Variants in PPAT observed in about 807,000 individuals in gnomAD.
PPAT encodes phosphoribosyl pyrophosphate amidotransferase.
Under a neutral mutation model 60.2 loss-of-function variants are expected in PPAT, and 20 were observed. The ratio of observed to expected loss-of-function variants is 0.33; its 90% confidence interval spans 0.23 to 0.48. The LOEUF (loss-of-function observed/expected upper bound fraction) is 0.48, where lower values mean the gene tolerates loss of function less well. PPAT is among the 20% of genes least tolerant of loss of function. The pLI is 0.99. For missense variants in PPAT, 349 were observed against 629.6 expected (o/e 0.55, Z 4.77); for synonymous variants, 194 against 215.1 (o/e 0.90, Z 0.86).
intron 1 of PPAT, among the ~76,000 whole-genome samples, 167 bp downstream of exon 1, chr4:56,435,183 C>A (rs1460538168): frequency 1.3e-5 from 2 of 152,202 alleles, no homozygotes; most frequent in East Asian, 3.9e-4. Flanking sequence ...AGCGAGGTGC[C>A]CCTCGTGCAC....
In PPAT at chr4:56,403,339, C is replaced by G; in HGVS notation, c.465G>C (p.Leu155=). 4 of 1,614,046 alleles carry G rather than the reference C, an allele frequency of 2.5e-6. No homozygotes were observed. Among genetic ancestry groups the G allele is most frequent in the Non-Finnish European group, 3.4e-6 (4 of 1,179,928 alleles). The change falls in exon 4 of 11, where the codon CTG becomes CTC. Residue 155 remains leucine, a synonymous_variant. Coordinates refer to ENST00000264220, the MANE Select transcript of PPAT (RefSeq NM_002703.5). The part of the protein sequence containing the change: ...SSDSEMITQL[L]AYTPPQEQDD... Reference sequence around the variant, plus strand: ...CTTGTTCCTGAGGAGGGGTATACGCCAGTAACTGGGTAATCATTTCACTAT... The same window carrying G: ...CTTGTTCCTGAGGAGGGGTATACGCGAGTAACTGGGTAATCATTTCACTAT...
intron 1 of PPAT, among the ~76,000 whole-genome samples, chr4:56,411,599 T>C (rs1403293161): frequency 6.6e-6 from 1 of 152,198 alleles, no homozygotes; most frequent in Non-Finnish European, 1.5e-5. Context: ...GGGAAATCAA[T>C]GACAGTAATG....
chr4:56,396,635 G>A lies in PPAT; in HGVS notation c.1341C>T (p.His447=), dbSNP rs770073845. 2.5e-6 allele frequency: 4 copies of A among 1,605,446 alleles called. No individual in the cohort carries two copies. Among genetic ancestry groups the A allele is most frequent in the Non-Finnish European group, 3.4e-6 (4 of 1,174,296 alleles). The change falls in exon 10 of 11, where the codon CAC becomes CAT. Residue 447 remains histidine (H), a synonymous_variant. Coordinates refer to ENST00000264220, the MANE Select transcript of PPAT (RefSeq NM_002703.5). This position sits in a 1 kb window ranked among gnomAD's most constrained non-coding sequence, Gnocchi z 4.6. ...AATACTTACCTAGATATTCTGCAAG[G>A]TGATCAAATTCTGGTTTATTGGCAA... The part of the protein sequence containing the change: ...ELIANKPEFD[H]LAEYLGANSV...
chr4:56,407,006 A>G (rs1014303719), intron 2 of PPAT, among the ~76,000 whole-genome samples: 3 of 152,250 alleles, frequency 2.0e-5, no homozygotes, highest in Non-Finnish European at 4.4e-5. Context: ...TTCATAAGAT[A>G]CTATTCACTA....
chr4:56,429,758 T>C (rs1184535555), intron 1 of PPAT, among the ~76,000 whole-genome samples: 1 of 152,188 alleles, frequency 6.6e-6, no homozygotes, highest in African/African-American at 2.4e-5. Context: ...TAAAACTTAC[T>C]AGCACCCTAA....
At chr4:56,405,915 C>G (rs1167490486) in intron 3 of PPAT, among the ~76,000 whole-genome samples, 1 of 152,216 alleles carries the variant, frequency 6.6e-6, no homozygotes, top group African/African-American at 2.4e-5. Flanking sequence ...CCTGGACTTG[C>G]AACTGGCATC....
At chr4:56,421,056 T>C (rs1717013720) in intron 1 of PPAT, 2 of 152,210 alleles carry the variant, frequency 1.3e-5, no homozygotes, top group African/African-American at 4.8e-5. Flanking sequence ...GCTTCATCTG[T>C]ATTTACAGAC....
At chr4:56,410,844 A>C (rs1716414762) in intron 1 of PPAT, 1 of 984,036 alleles carries the variant, frequency 1.0e-6, no homozygotes, top group Non-Finnish European at 1.2e-6. Context: ...GAAGATGCAA[A>C]TGGCAGGTAC....
chr4:56,432,910 G>A (rs1436950388), intron 1 of PPAT, among the ~76,000 whole-genome samples: 1 of 151,438 alleles, frequency 6.6e-6, no homozygotes, highest in African/African-American at 2.4e-5. Context: ...GAATGAGGGT[G>A]AGAAAGTGAA....
chr4:56,402,608 G>C (rs1201336327), intron 5 of PPAT, among the ~76,000 whole-genome samples: 1 of 152,092 alleles, frequency 6.6e-6, no homozygotes, highest in African/African-American at 2.4e-5. Flanking sequence ...CCTGAGGTCA[G>C]GAGTTTGAGA....
intron 1 of PPAT, among the ~76,000 whole-genome samples, 177 bp downstream of exon 1, chr4:56,435,157 GGCTAAAGTTCATGGAA>G (rs1175841563): frequency 6.6e-6 from 1 of 152,234 alleles, no homozygotes; most frequent in Non-Finnish European, 1.5e-5. Flanking sequence ...GGGCAGGACA[GGCTAAAGTTCATGGAA>G]GCGAGGTGCC....
chr4:56,421,393 C>T (rs1189142482), intron 1 of PPAT: 1 of 152,304 alleles, frequency 6.6e-6, no homozygotes, highest in African/African-American at 2.4e-5. Context: ...AAATGTAATG[C>T]ACTTGAATCC....
chr4:56,427,581 A>G (rs1717353481), intron 1 of PPAT, among the ~76,000 whole-genome samples: 1 of 151,496 alleles, frequency 6.6e-6, no homozygotes, highest in Non-Finnish European at 1.5e-5. Context: ...CTGAGGCAGG[A>G]GGATCGCTTG....
chr4:56,418,029 G>C (rs1716858527), intron 1 of PPAT, among the ~76,000 whole-genome samples: 1 of 152,090 alleles, frequency 6.6e-6, no homozygotes, highest in Non-Finnish European at 1.5e-5. Flanking sequence ...AGTAAATACA[G>C]GGTTTCACCA....
intron 3 of PPAT, 134 bp downstream of exon 3, chr4:56,406,361 T>C (rs918244994): frequency 4.6e-6 from 4 of 868,606 alleles, no homozygotes; most frequent in Non-Finnish European, 7.1e-6. Context: ...ATCATTCTGA[T>C]GCAATTGTTT....
rs1715891091 is a variant in PPAT at position 56,393,995 on chromosome 4, A to G, written c.*1357T>C. 1 of 151,436 alleles carries G rather than the reference A, an allele frequency of 6.6e-6. No homozygotes were observed. The highest frequency in any genetic ancestry group is 1.9e-4 in the East Asian group (1 of 5,206). The allele number at this position is 151,436 out of a possible 1,614,324, so 9.4% of individuals were successfully genotyped here. A position where few individuals can be genotyped will look rare whatever the true frequency, so the allele number is the denominator to read the frequency against. On this transcript the variant is annotated 3_prime_UTR_variant, in exon 11 of 11. Coordinates refer to ENST00000264220, the MANE Select transcript of PPAT (RefSeq NM_002703.5). ...GCGAGACTATATACCAAAGGAAGACAAACAGTTTCAGTTATTAATAAATAT... is the reference window on the plus strand; with the variant it reads ...GCGAGACTATATACCAAAGGAAGACGAACAGTTTCAGTTATTAATAAATAT...
chr4:56,396,466 T>G lies in PPAT; in HGVS notation c.1357+153A>C. The G allele has an allele frequency of 1.4e-6, 1 of 706,942 alleles. No individual in the cohort carries two copies. Among genetic ancestry groups the G allele is most frequent in the South Asian group, 2.4e-5 (1 of 41,764 alleles). The allele number at this position is 706,942 out of a possible 1,614,324, so 43.8% of individuals were successfully genotyped here. The stretch of plus-strand genomic sequence containing the variant: ...TGTGGTGTCTGCCCATGCCCACTAC[T>G]CTCACTGTTGAGAATAGTATTCAAT... On this transcript the variant is annotated intron_variant, in intron 10 of 10. Coordinates refer to ENST00000264220, the MANE Select transcript of PPAT (RefSeq NM_002703.5). This position sits in a 1 kb window ranked among gnomAD's most constrained non-coding sequence, Gnocchi z 4.6.
chr4:56,432,263 C>G (rs1394644179), intron 1 of PPAT, among the ~76,000 whole-genome samples: 6 of 152,116 alleles, frequency 3.9e-5, no homozygotes, highest in African/African-American at 1.4e-4. Context: ...CATGGTGGCT[C>G]ACGCCTGTAA....
At chr4:56,410,792 G>C (rs1319433350) in intron 1 of PPAT, 3 of 984,542 alleles carry the variant, frequency 3.0e-6, no homozygotes, top group East Asian at 1.2e-4. Flanking sequence ...CCATGATTTG[G>C]ATGTAATCCT....
Sources: allele counts gnomAD v4.1 joint callset (sites outside exome capture counted in the v4.1 genomes callset), GRCh38; gene constraint gnomAD v4.1.1; non-coding constraint Gnocchi (gnomAD v3.1); transcripts MANE v1.5; gene names NCBI Gene and HGNC (gene_info 2026-07-23, HGNC 2026-07-21).